The following ARHGEF26 variants were observed in gnomAD, a reference collection of about 807,000 sequenced individuals.
The protein encoded by ARHGEF26 is Rho guanine nucleotide exchange factor 26.
Under a neutral mutation model 89.4 loss-of-function variants are expected in ARHGEF26, and 59 were observed. The ratio of observed to expected loss-of-function variants is 0.66; its 90% CI spans 0.54 to 0.82. The LOEUF is 0.82. Ranked by LOEUF, ARHGEF26 falls within the 40% of genes least tolerant of loss-of-function variation. The probability of loss-of-function intolerance (pLI) is 0.00; values close to 1 mark genes in which losing one functional copy is unlikely to be tolerated. For synonymous variants in ARHGEF26, 500 were observed against 428.4 expected, an observed-to-expected ratio of 1.17 and a Z score of -2.06; for missense variants, 1,234 against 1,085.6, an observed-to-expected ratio of 1.14 and a Z score of -1.92.
At chr3:154,135,807 T>C (rs1181575370) in intron 4 of ARHGEF26, among the ~76,000 whole-genome samples, 1 of 152,228 alleles carries the variant, frequency 6.6e-6, no homozygotes, top group Non-Finnish European at 1.5e-5. Context: ...AAGTATTTAT[T>C]GTCTTTTCTT....
intron 12 of ARHGEF26, among the ~76,000 whole-genome samples, chr3:154,250,333 C>G (rs529165474): frequency 6.6e-6 from 1 of 151,962 alleles, no homozygotes; most frequent in Non-Finnish European, 1.5e-5. Context: ...GGCCTCTTGG[C>G]AGACTCTTGA....
chr3:154,200,045 C>T (rs184771039), intron 9 of ARHGEF26, among the ~76,000 whole-genome samples: 38 of 152,198 alleles, frequency 2.5e-4, no homozygotes, highest in Non-Finnish European at 5.0e-4. Context: ...CTTTGCTCTG[C>T]AGAAGCCTTT....
chr3:154,154,916 A>G (rs940563990), intron 6 of ARHGEF26, among the ~76,000 whole-genome samples: 7 of 151,962 alleles, frequency 4.6e-5, no homozygotes, highest in African/African-American at 1.7e-4. Flanking sequence ...TAGCCATTCT[A>G]TCTTTGAGAT....
At position 154,122,658 on chromosome 3, in the gene ARHGEF26, C is replaced by A. The variant is rs755373739; in HGVS notation, c.666C>A (p.Ser222=). ...EQKLPLQRLP[S]QENELLENPS... ...AACTCCCCCTCCAAAGGCTGCCCTC[C>A]CAGGAGAACGAGCTCCTCGAGAATC... The change falls in exon 2 of 15, where the codon TCC becomes TCA. Residue 222 remains serine, a synonymous_variant. Transcript: ENST00000465093. The A allele has an allele frequency of 2.5e-6, 4 of 1,613,886 alleles. No individual in the cohort carries two copies. Among genetic ancestry groups the A allele is most frequent in the South Asian group, 1.1e-5 (1 of 91,082 alleles).
intron 9 of ARHGEF26, among the ~76,000 whole-genome samples, chr3:154,205,417 T>C (rs1413429693): frequency 6.6e-6 from 1 of 152,142 alleles, no homozygotes; most frequent in African/African-American, 2.4e-5. Context: ...TAAAGTGTGT[T>C]TCTTGTAGGC....
chr3:154,242,986 G>T (rs544362838), intron 12 of ARHGEF26, among the ~76,000 whole-genome samples: 2 of 152,270 alleles, frequency 1.3e-5, no homozygotes, highest in South Asian at 4.1e-4. Flanking sequence ...GGGTGGGCGT[G>T]TGCTTGCTGA....
At chr3:154,213,038 T>C (rs1451784762) in intron 9 of ARHGEF26, among the ~76,000 whole-genome samples, 4 of 152,188 alleles carry the variant, frequency 2.6e-5, no homozygotes, top group African/African-American at 9.7e-5. Context: ...TTGTATATAA[T>C]GCCAAAGTGC....
intron 10 of ARHGEF26, chr3:154,225,637 A>T (rs949629176): frequency 7.6e-6 from 3 of 392,828 alleles, no homozygotes; most frequent in Non-Finnish European, 1.3e-5. Flanking sequence ...TTGGGAAGTT[A>T]ATAGTTTTTT....
intron 4 of ARHGEF26, among the ~76,000 whole-genome samples, chr3:154,137,484 A>G (rs1719081311): frequency 6.6e-6 from 1 of 152,144 alleles, no homozygotes. Flanking sequence ...AAGCACCCCA[A>G]AACGGACTAA....
chr3:154,191,955 A>G (rs1444824377), intron 8 of ARHGEF26, among the ~76,000 whole-genome samples: 1 of 152,230 alleles, frequency 6.6e-6, no homozygotes, highest in African/African-American at 2.4e-5. Context: ...GGCAGCATTC[A>G]TGAGGAAAGC....
intron 6 of ARHGEF26, among the ~76,000 whole-genome samples, chr3:154,165,997 A>G (rs1425447153): frequency 6.6e-6 from 1 of 152,158 alleles, no homozygotes; most frequent in Non-Finnish European, 1.5e-5. Context: ...GGATGGTTTG[A>G]AAAAATCTAG....
chr3:154,122,698 A>C lies in ARHGEF26; in HGVS notation c.706A>C (p.Ser236Arg), dbSNP rs1346122179. The change falls in exon 2 of 15, where the codon AGT becomes CGT. Residue 236 changes from serine to arginine, a missense_variant. Ser to Arg is a moderately radical substitution (Grantham distance 110). Coordinates refer to ENST00000465093, the MANE Select transcript of ARHGEF26 (RefSeq NM_015595.4). ...ELLENPSVVLSTNSPAALKVG... is the reference protein window; with the variant it reads ...ELLENPSVVLRTNSPAALKVG... Reference sequence around the variant, plus strand: ...CCTCGAGAATCCTTCCGTGGTTTTGAGTACAAACAGCCCCGCCGCCCTCAA... The same window carrying C: ...CCTCGAGAATCCTTCCGTGGTTTTGCGTACAAACAGCCCCGCCGCCCTCAA... The C allele has an allele frequency of 6.2e-7, 1 of 1,613,784 alleles. No individual in the cohort carries two copies. Among genetic ancestry groups the C allele is most frequent in the Non-Finnish European group, 8.5e-7 (1 of 1,179,808 alleles).
intron 9 of ARHGEF26, among the ~76,000 whole-genome samples, chr3:154,208,183 A>G (rs373174961): frequency 3.3e-5 from 5 of 152,268 alleles, no homozygotes; most frequent in South Asian, 4.1e-4. Context: ...TGTGCAGTAA[A>G]CCACCATGGC....
At chr3:154,171,055 G>A (rs574153854) in intron 6 of ARHGEF26, among the ~76,000 whole-genome samples, 1 of 152,158 alleles carries the variant, frequency 6.6e-6, no homozygotes, top group Non-Finnish European at 1.5e-5. Flanking sequence ...ATTCACATGT[G>A]GCATAATTGT....
At chr3:154,200,071 C>G (rs776690057) in intron 9 of ARHGEF26, among the ~76,000 whole-genome samples, 9 of 151,884 alleles carry the variant, frequency 5.9e-5, no homozygotes, top group Non-Finnish European at 1.0e-4. Context: ...TGTTGTGATC[C>G]CATTTGTCCA....
intron 12 of ARHGEF26, among the ~76,000 whole-genome samples, chr3:154,245,584 A>G (rs186183135): frequency 6.6e-6 from 1 of 152,114 alleles, no homozygotes; most frequent in African/African-American, 2.4e-5. Flanking sequence ...TCTGCTGAGG[A>G]GCCTCTCAGT....
At chr3:154,221,973 C>T (rs1716158742) in intron 10 of ARHGEF26, among the ~76,000 whole-genome samples, 1 of 152,160 alleles carries the variant, frequency 6.6e-6, no homozygotes. Flanking sequence ...ATATTGGTTG[C>T]AAATTTACTA....
chr3:154,154,036 A>G (rs2108102272), intron 6 of ARHGEF26, among the ~76,000 whole-genome samples: 1 of 152,244 alleles, frequency 6.6e-6, no homozygotes, highest in African/African-American at 2.4e-5. Flanking sequence ...AGGATTGTAA[A>G]ACAGTGTTAC....
intron 9 of ARHGEF26, among the ~76,000 whole-genome samples, chr3:154,202,898 G>T (rs1028030894): frequency 4.6e-5 from 7 of 152,090 alleles, no homozygotes; most frequent in Non-Finnish European, 8.8e-5. Context: ...GAGATTTTGG[G>T]TTGAGACGAT....
Sources: gnomAD v4.1 joint callset for allele counts (sites outside exome capture counted in the v4.1 genomes callset) on GRCh38, gnomAD v4.1.1 for gene constraint, MANE v1.5 for transcripts, NCBI Gene and HGNC (gene_info 2026-07-23, HGNC 2026-07-21) for gene names.